The following CYP4V2 variants were observed in gnomAD, a reference collection of about 807,000 sequenced individuals.
CYP4V2 encodes cytochrome P450 4V2.
Under a neutral mutation model 60.8 loss-of-function variants are expected in CYP4V2, and 55 were observed. That is an observed-to-expected ratio of 0.90 (90% CI 0.73 to 1.13). The LOEUF (loss-of-function observed/expected upper bound fraction) is 1.13, where lower values mean the gene tolerates loss of function less well. Among genes scored for constraint, CYP4V2 ranks in the 50% most tolerant of loss-of-function variants. The probability of loss-of-function intolerance (pLI) is 0.00; values close to 1 mark genes in which losing one functional copy is unlikely to be tolerated. For missense variants in CYP4V2, 675 were observed against 662.9 expected, an observed-to-expected ratio of 1.02 and a Z score of -0.20; for synonymous variants, 239 against 236.8, an observed-to-expected ratio of 1.01 and a Z score of -0.08.
At chr4:186,201,688 A>G (rs1736309679) in intron 7 of CYP4V2, 2 of 261,630 alleles carry the variant, frequency 7.6e-6, no homozygotes, top group Non-Finnish European at 1.5e-5. Context: ...ATGCAAGTCC[A>G]CTTCCTCACC....
In CYP4V2 at chr4:186,201,346, T is replaced by G; in HGVS notation, c.987+4T>G. The stretch of plus-strand genomic sequence containing the variant: ...AGTTGACACCTTCATGTTTGAGGTA[T>G]TGTATATTGTTAGGTTCAGATATCA... On this transcript the variant is annotated splice_donor_region_variant and intron_variant, in intron 7 of 10. Coordinates refer to ENST00000378802, the MANE Select transcript of CYP4V2 (RefSeq NM_207352.4). 1 of 1,613,992 alleles carries G rather than the reference T, an allele frequency of 6.2e-7. No individual in the cohort carries two copies. Among genetic ancestry groups the G allele is most frequent in the Non-Finnish European group, 8.5e-7 (1 of 1,179,874 alleles).
intron 4 of CYP4V2, 130 bp downstream of exon 4, chr4:186,197,260 G>C: frequency 1.7e-6 from 2 of 1,151,978 alleles, no homozygotes; most frequent in Non-Finnish European, 2.5e-6. Flanking sequence ...GCGGTTCTAC[G>C]ACCGCACTGG....
chr4:186,204,883 C>G (rs1736449793), intron 7 of CYP4V2: 1 of 404,842 alleles, frequency 2.5e-6, no homozygotes, highest in Non-Finnish European at 4.7e-6. Flanking sequence ...TCGTGAAAAT[C>G]AGACTTTGTT....
At position 186,199,042 on chromosome 4, in the gene CYP4V2, C is replaced by T; in HGVS notation, c.760C>T (p.His254Tyr). 1 of 1,614,028 alleles carries T rather than the reference C, an allele frequency of 6.2e-7. No homozygotes were observed. The highest frequency in any genetic ancestry group is 8.5e-7 in the Non-Finnish European group (1 of 1,179,922). ...WYLMFKEGWE[H>Y]KKSLQILHTF... The stretch of plus-strand genomic sequence containing the variant: ...CCTTATGTTTAAAGAAGGATGGGAA[C>T]ACAAAAAGAGCCTTCAGATCCTACA... The change falls in exon 6 of 11, where the codon CAC (histidine) becomes TAC (tyrosine). Residue 254 changes from histidine (H) to tyrosine (Y), a missense_variant. His to Tyr is a moderately conservative substitution (Grantham distance 83). Coordinates refer to ENST00000378802, the MANE Select transcript of CYP4V2 (RefSeq NM_207352.4).
At chr4:186,209,904 A>C (rs1436855559) in intron 10 of CYP4V2, among the ~76,000 whole-genome samples, 2 of 152,218 alleles carry the variant, frequency 1.3e-5, no homozygotes, top group African/African-American at 4.8e-5. Flanking sequence ...TTGTGGTAAA[A>C]ACTTTATTAA....
intron 8 of CYP4V2, among the ~76,000 whole-genome samples, chr4:186,207,790 T>A (rs903330261): frequency 6.6e-6 from 1 of 152,156 alleles, no homozygotes; most frequent in Non-Finnish European, 1.5e-5. Flanking sequence ...AAGCAGTCCC[T>A]CTTGATTCCT....
intron 8 of CYP4V2, among the ~76,000 whole-genome samples, chr4:186,206,476 A>G (rs984048286): frequency 2.0e-5 from 3 of 152,194 alleles, no homozygotes; most frequent in African/African-American, 7.2e-5. Flanking sequence ...CACGTGTCAT[A>G]TGGCCCCCAA....
At chr4:186,201,840 C>T (rs1477462525) in intron 7 of CYP4V2, 1 of 155,676 alleles carries the variant, frequency 6.4e-6, no homozygotes, top group African/African-American at 2.4e-5. Context: ...TTTATACATA[C>T]ATATGTGAAG....
In CYP4V2 at chr4:186,210,807, G is replaced by T; in HGVS notation, c.*166G>T. The T allele has an allele frequency of 4.9e-6, 4 of 811,634 alleles. No homozygotes were observed. The highest frequency in any genetic ancestry group is 7.6e-6 in the Non-Finnish European group (4 of 525,262). The allele number at this position is 811,634 out of a possible 1,614,324, so 50.3% of individuals were successfully genotyped here. A position where few individuals can be genotyped will look rare whatever the true frequency, so the allele number is the denominator to read the frequency against. ...TCAAGTCTAACAAAGAAAAAGTTTT[G>T]AGTTTTGTATTTTCTTTTTTCTTTT... On this transcript the variant is annotated 3_prime_UTR_variant, in exon 11 of 11. Coordinates refer to ENST00000378802, the MANE Select transcript of CYP4V2 (RefSeq NM_207352.4).
rs181814647 is a variant in CYP4V2, at chr4:186,195,877, A to G, written c.328-126A>G. The G allele has an allele frequency of 2.2e-5, 16 of 722,218 alleles. No homozygotes were observed. The highest frequency in any genetic ancestry group is 2.1e-4 in the Admixed American group (10 of 48,324). 44.7% of individuals were successfully genotyped at this position (722,218 alleles called of 1,614,324 possible). A position where few individuals can be genotyped will look rare whatever the true frequency, so the allele number is the denominator to read the frequency against. On this transcript the variant is annotated intron_variant, in intron 2 of 10. Coordinates refer to ENST00000378802, the MANE Select transcript of CYP4V2 (RefSeq NM_207352.4). This position sits in a 1 kb window ranked among gnomAD's most constrained non-coding sequence, Gnocchi z 4.1. ...TCTTTGAGGCACAGGACTGAAAATG[A>G]ACGACGGAGAAAATAAATGTTGTGA...
At chr4:186,207,569 A>G (rs1736560662) in intron 8 of CYP4V2, among the ~76,000 whole-genome samples, 1 of 129,520 alleles carries the variant, frequency 7.7e-6, no homozygotes, top group Non-Finnish European at 1.7e-5. Flanking sequence ...ATATATAAAA[A>G]TATTAAATAA....
chr4:186,194,558 G>A lies in CYP4V2; in HGVS notation c.273G>A (p.Lys91=). The A allele has an allele frequency of 6.2e-7, 1 of 1,614,206 alleles. No homozygotes were observed. Among genetic ancestry groups the A allele is most frequent in the Non-Finnish European group, 8.5e-7 (1 of 1,180,022 alleles). ...AATACCGCCACATGCCGCTGCTGAA[G>A]CTCTGGGTCGGGCCAGTGCCCATGG... The part of the protein sequence containing the change: ...TEEYRHMPLL[K]LWVGPVPMVA... Residue 91 remains lysine, a synonymous_variant, in exon 2 of 11, where the codon AAG becomes AAA. Coordinates refer to ENST00000378802, the MANE Select transcript of CYP4V2 (RefSeq NM_207352.4).
At position 186,197,204 on chromosome 4, in the gene CYP4V2, C is replaced by T. The variant is rs62350518; in HGVS notation, c.604+74C>T. ...GCCCAAACAGGAAATCACACTCCAC[C>T]GGGAAGGCAAATGGGGGGACGGGAA... On this transcript the variant is annotated intron_variant, in intron 4 of 10. Coordinates refer to ENST00000378802, the MANE Select transcript of CYP4V2 (RefSeq NM_207352.4). The T allele has an allele frequency of 0.16, 253,389 of 1,550,622 alleles. 22,006 individuals carry two copies. Among genetic ancestry groups the T allele is most frequent in the Admixed American group, 0.23 (13,920 of 59,760 alleles).
Position 186,199,093 on chromosome 4 carries a change from T to C in CYP4V2, c.801+10T>C, listed in dbSNP as rs764875448. ...TACTTTTACCAACAGTGTAAGTCCC[T>C]GACTTTTACAATTGTGGTAAAATAG... On this transcript the variant is annotated intron_variant, in intron 6 of 10. Coordinates refer to ENST00000378802, the MANE Select transcript of CYP4V2 (RefSeq NM_207352.4). The C allele has an allele frequency of 6.2e-7, 1 of 1,612,274 alleles. No individual in the cohort carries two copies. The highest frequency in any genetic ancestry group is 2.2e-5 in the East Asian group (1 of 44,858).
chr4:186,193,674 A>C (rs1328361922), intron 1 of CYP4V2, among the ~76,000 whole-genome samples: 1 of 152,198 alleles, frequency 6.6e-6, no homozygotes, highest in Non-Finnish European at 1.5e-5. Context: ...TTTAGTTGTC[A>C]ATCAAGCATT....
chr4:186,201,447 AAAG>A (rs1183130053), intron 7 of CYP4V2, 105 bp downstream of exon 7: 4 of 1,259,608 alleles, frequency 3.2e-6, no homozygotes, highest in East Asian at 2.5e-5. Context: ...TAGTTTAACT[AAAG>A]AAGATTCATT....
chr4:186,202,800 A>C (rs1168265107), intron 7 of CYP4V2: 1 of 144,950 alleles, frequency 6.9e-6, no homozygotes, highest in Admixed American at 6.9e-5. Context: ...ACACACGTGC[A>C]TACACTCACA....
chr4:186,209,050 T>A, intron 9 of CYP4V2, 43 bp from the exon 10 acceptor site: 1 of 1,614,188 alleles, frequency 6.2e-7, no homozygotes, highest in Non-Finnish European at 8.5e-7. Context: ...TTCTAATGTC[T>A]ACCTTGCTCC....
At position 186,192,028 on chromosome 4, in the gene CYP4V2, G is replaced by A. The variant is rs758390423; in HGVS notation, c.205G>A (p.Asp69Asn). 7.6e-6 allele frequency: 12 copies of A among 1,576,946 alleles called. No individual in the cohort carries two copies. The Admixed American group carries it at 2.1e-4, about 28-fold the overall frequency. The change falls in exon 1 of 11, where the codon GAC (aspartate) becomes AAC (asparagine). Residue 69 changes from aspartate to asparagine, a missense_variant. Transcript: ENST00000378802. ...GGGCCACGCGCTGCTGATGAAGCCGGACGGGCGAGGTAAGGGCCGGCGCTC... is the reference window on the plus strand; with the variant it reads ...GGGCCACGCGCTGCTGATGAAGCCGAACGGGCGAGGTAAGGGCCGGCGCTC... ...LVGHALLMKP[D>N]GREFFQQIIE...
Sources: allele counts gnomAD v4.1 joint callset (sites outside exome capture counted in the v4.1 genomes callset), GRCh38; gene constraint gnomAD v4.1.1; non-coding constraint Gnocchi (gnomAD v3.1); transcripts MANE v1.5; gene names NCBI Gene and HGNC (gene_info 2026-07-23, HGNC 2026-07-21).